Variants in SLC4A10 observed in about 807,000 individuals in gnomAD.
SLC4A10 encodes sodium-driven chloride bicarbonate exchanger.
In SLC4A10, 42 loss-of-function variants were observed where a neutral mutation model predicts 137.7. That is an observed-to-expected ratio of 0.30 (90% CI 0.24 to 0.39). The LOEUF (loss-of-function observed/expected upper bound fraction) is 0.39. Ranked by LOEUF, SLC4A10 falls within the 10% of genes least tolerant of loss-of-function variation. The pLI is 1.00. For synonymous variants in SLC4A10, 474 were observed against 464.1 expected (o/e 1.02, Z -0.27); for missense variants, 925 against 1,355.0 (o/e 0.68, Z 4.98).
chr2:161,823,265 T>C lies in SLC4A10; in HGVS notation c.278-16524T>C, dbSNP rs529496388. On this transcript the variant is annotated intron_variant, in intron 3 of 26. Coordinates refer to ENST00000446997, the MANE Select transcript of SLC4A10 (RefSeq NM_001178015.2). ...ATGTAAACAAGTGCAAAAAATGCAG[T>C]ATTAAATCATAACTGCATACAGTTT... Among the ~76,000 whole-genome samples, 9 of 152,338 alleles carry C rather than the reference T, an allele frequency of 5.9e-5. No homozygotes were observed. The East Asian group carries it at 1.5e-3, about 26-fold the overall frequency.
At chr2:161,963,182 A>G (rs938006336) in intron 21 of SLC4A10, among the ~76,000 whole-genome samples, 1 of 152,124 alleles carries the variant, frequency 6.6e-6, no homozygotes, top group African/African-American at 2.4e-5. Context: ...TAAAGATTTA[A>G]GCTTCCTGTG....
At chr2:161,828,899 ATT>A (rs1015563933) in intron 3 of SLC4A10, among the ~76,000 whole-genome samples, 1 of 147,400 alleles carries the variant, frequency 6.8e-6, no homozygotes, top group Admixed American at 6.8e-5. Context: ...CTACTGAGAT[ATT>A]TTCTTGCATT....
chr2:161,819,055 T>G (rs916409736), intron 3 of SLC4A10, among the ~76,000 whole-genome samples: 1 of 152,198 alleles, frequency 6.6e-6, no homozygotes, highest in Admixed American at 6.6e-5. Context: ...CTTAAAAAGT[T>G]TTATTACTCC....
chr2:161,653,654 C>T (rs1205307584), intron 1 of SLC4A10, among the ~76,000 whole-genome samples: 5 of 152,154 alleles, frequency 3.3e-5, no homozygotes. Flanking sequence ...TTTGTCTTTT[C>T]AAGACTGGCT....
intron 15 of SLC4A10, among the ~76,000 whole-genome samples, chr2:161,914,229 G>A (rs1478889496): frequency 6.6e-6 from 1 of 151,962 alleles, no homozygotes; most frequent in Non-Finnish European, 1.5e-5. Context: ...TTAACATACT[G>A]GAAAATATCA....
intron 2 of SLC4A10, among the ~76,000 whole-genome samples, chr2:161,779,569 G>T (rs1014133977): frequency 6.6e-6 from 1 of 151,756 alleles, no homozygotes; most frequent in Non-Finnish European, 1.5e-5. Context: ...AGACTAAAAA[G>T]CCAAATATAA....
At chr2:161,856,366 C>CAA (rs1189383992) in intron 5 of SLC4A10, among the ~76,000 whole-genome samples, 1 of 131,588 alleles carries the variant, frequency 7.6e-6, no homozygotes, top group Non-Finnish European at 1.7e-5. Context: ...AAAACACACA[C>CAA]ACACACACAC....
chr2:161,878,240 A>G (rs536173841), intron 8 of SLC4A10, among the ~76,000 whole-genome samples: 1 of 152,268 alleles, frequency 6.6e-6, no homozygotes, highest in East Asian at 1.9e-4. Flanking sequence ...TAGAGCAGAT[A>G]AATTCTTACT....
At chr2:161,770,458 G>A (rs1232024381) in intron 1 of SLC4A10, among the ~76,000 whole-genome samples, 1 of 151,794 alleles carries the variant, frequency 6.6e-6, no homozygotes, top group East Asian at 1.9e-4. Context: ...TTATACTGAA[G>A]CAAAGTAATT....
At chr2:161,838,198 G>A (rs2058938505) in intron 3 of SLC4A10, among the ~76,000 whole-genome samples, 1 of 151,916 alleles carries the variant, frequency 6.6e-6, no homozygotes, top group African/African-American at 2.4e-5. Flanking sequence ...AAACCATGAA[G>A]AATATACTTT....
intron 1 of SLC4A10, among the ~76,000 whole-genome samples, chr2:161,719,162 T>C (rs974473427): frequency 2.0e-5 from 3 of 152,154 alleles, no homozygotes; most frequent in African/African-American, 7.2e-5. Context: ...TGTTTGGTTT[T>C]CTCTCCTTGT....
intron 19 of SLC4A10, among the ~76,000 whole-genome samples, chr2:161,952,896 G>A (rs1280211212): frequency 6.6e-6 from 1 of 152,126 alleles, no homozygotes; most frequent in African/African-American, 2.4e-5. Flanking sequence ...TTGTTCCATA[G>A]TCCTTCTCCC....
chr2:161,743,761 T>C (rs769566697), intron 1 of SLC4A10, among the ~76,000 whole-genome samples: 4 of 152,216 alleles, frequency 2.6e-5, no homozygotes, highest in Non-Finnish European at 5.9e-5. Flanking sequence ...ATTCTTCCAA[T>C]ACATGAACAT....
intron 1 of SLC4A10, among the ~76,000 whole-genome samples, chr2:161,701,960 AC>A (rs1553501799): frequency 6.6e-6 from 1 of 151,938 alleles, no homozygotes; most frequent in Non-Finnish European, 1.5e-5. Context: ...AAGTAGAAAT[AC>A]AAAGTAGTAC....
intron 1 of SLC4A10, among the ~76,000 whole-genome samples, chr2:161,637,186 T>TAGAGAGAGAGAGAGAAAG (rs1553469000): frequency 1.3e-5 from 2 of 148,252 alleles, no homozygotes; most frequent in African/African-American, 2.5e-5. Flanking sequence ...TACATATATC[T>TAGAGAGAGAGAGAGAAAG]AGAGAGAGAG....
chr2:161,750,182 A>G (rs2048818721), intron 1 of SLC4A10, among the ~76,000 whole-genome samples: 1 of 150,214 alleles, frequency 6.7e-6, no homozygotes, highest in African/African-American at 2.4e-5. Flanking sequence ...AATTTTCTAT[A>G]TTTTTTCAAG....
At chr2:161,627,703 G>A (rs1354470324) in intron 1 of SLC4A10, among the ~76,000 whole-genome samples, 1 of 152,040 alleles carries the variant, frequency 6.6e-6, no homozygotes, top group South Asian at 2.1e-4. Flanking sequence ...GCATTTTGTA[G>A]ACTCTAATCA....
At chr2:161,657,142 T>C (rs1412114945) in intron 1 of SLC4A10, among the ~76,000 whole-genome samples, 6 of 151,984 alleles carry the variant, frequency 3.9e-5, no homozygotes, top group Non-Finnish European at 7.4e-5. Flanking sequence ...CCCTTCTGAA[T>C]ATTTGTTTGT....
chr2:161,895,584 G>C (rs1327361184), intron 11 of SLC4A10, among the ~76,000 whole-genome samples: 1 of 152,084 alleles, frequency 6.6e-6, no homozygotes, highest in Non-Finnish European at 1.5e-5. Context: ...GTTGTTTCCT[G>C]ACTTTTTAAT....
Sources: allele counts gnomAD v4.1 joint callset (sites outside exome capture counted in the v4.1 genomes callset), GRCh38; gene constraint gnomAD v4.1.1; transcripts MANE v1.5; gene names NCBI Gene and HGNC (gene_info 2026-07-23, HGNC 2026-07-21).